RACGAP1: variants seen among roughly 807,000 people sequenced by gnomAD.
RACGAP1 encodes rac GTPase-activating protein 1.
A neutral mutation model predicts 78.1 loss-of-function variants in RACGAP1; 30 were observed. The observed-to-expected ratio is 0.38, with a 90% CI of 0.29 to 0.52. The LOEUF (loss-of-function observed/expected upper bound fraction) is 0.52, where lower values mean the gene tolerates loss of function less well. Among genes scored for constraint, RACGAP1 ranks in the 20% least tolerant of loss-of-function variants. The pLI, the probability that RACGAP1 is intolerant of heterozygous loss-of-function variation, is 0.82. For synonymous variants in RACGAP1, 231 were observed against 264.8 expected, an observed-to-expected ratio of 0.87 and a Z score of 1.24; for missense variants, 587 against 777.1, an observed-to-expected ratio of 0.76 and a Z score of 2.91.
At chr12:50,032,510 G>A (rs1034402803) in intron 1 of RACGAP1, among the ~76,000 whole-genome samples, 1 of 150,376 alleles carries the variant, frequency 6.6e-6, no homozygotes, top group African/African-American at 2.5e-5. Flanking sequence ...ACCCGCCCCA[G>A]CGAGAAGGCA....
In RACGAP1 at chr12:49,994,574, T is replaced by G; in HGVS notation, c.1045-65A>C. ...TGTAGACCAACAGATGAAGACCACA[T>G]GCGAAGAACCACCTCCAATCTTATT... On this transcript the variant is annotated intron_variant, in intron 10 of 16. Transcript: ENST00000312377. 5 of 1,556,844 alleles carry G rather than the reference T, an allele frequency of 3.2e-6. No individual in the cohort carries two copies. The South Asian group carries it at 4.9e-5, about 15-fold the overall frequency.
At chr12:50,030,007 A>T (rs1411386104), upstream of RACGAP1, among the ~76,000 whole-genome samples, 1 of 152,186 alleles carries the variant, frequency 6.6e-6, no homozygotes, top group African/African-American at 2.4e-5. Context: ...GCTGTGGCTC[A>T]TGCCTGTAAT....
intron 1 of RACGAP1, chr12:50,019,730 G>A (rs1010106752): frequency 3.3e-5 from 1 of 30,128 alleles, no homozygotes; most frequent in Non-Finnish European, 1.1e-4. Context: ...AAATAAAAAG[G>A]TCCTGGGACA....
intron 2 of RACGAP1, among the ~76,000 whole-genome samples, chr12:50,012,453 C>CGAGT (rs1949402107): frequency 6.6e-6 from 1 of 151,438 alleles, no homozygotes; most frequent in Non-Finnish European, 1.5e-5. Context: ...CCCAGCTACT[C>CGAGT]GGGAGGCTGA....
At position 49,999,553 on chromosome 12, in the gene RACGAP1, C is replaced by A. The variant is rs955574380; in HGVS notation, c.748+63G>T. 6.4e-5 allele frequency: 92 copies of A among 1,428,242 alleles called. No individual in the cohort carries two copies. In the South Asian group the frequency reaches 9.7e-4, roughly 15 times the overall value. The allele number at this position is 1,428,242 out of a possible 1,614,324, so 88.5% of individuals were successfully genotyped here. A position where few individuals can be genotyped will look rare whatever the true frequency, so the allele number is the denominator to read the frequency against. ...CCCGCCTCCAGAGGGTTCTAAGAAA[C>A]CAACTCTCCAAAATTTTGCTAGTTG... On this transcript the variant is annotated intron_variant, in intron 8 of 16. Transcript: ENST00000312377.
At chr12:50,021,812 T>C (rs1349890594) in intron 1 of RACGAP1, among the ~76,000 whole-genome samples, 1 of 152,172 alleles carries the variant, frequency 6.6e-6, no homozygotes, top group African/African-American at 2.4e-5. Flanking sequence ...GGAAAACCAT[T>C]CTCAAAGATA....
intron 5 of RACGAP1, 75 bp downstream of exon 5, chr12:50,004,160 G>A (rs1948838882): frequency 6.5e-7 from 1 of 1,533,342 alleles, no homozygotes; most frequent in Non-Finnish European, 8.9e-7. Flanking sequence ...GTTCAGAAGA[G>A]AAGACAGGAG....
At chr12:50,007,860 G>A (rs1592180681) in intron 2 of RACGAP1, among the ~76,000 whole-genome samples, 1 of 149,100 alleles carries the variant, frequency 6.7e-6, no homozygotes, top group East Asian at 1.9e-4. Context: ...ATAGTTTTAA[G>A]AAATAATATG....
intron 2 of RACGAP1, among the ~76,000 whole-genome samples, chr12:50,012,533 C>T (rs183338973): frequency 3.3e-5 from 5 of 151,558 alleles, no homozygotes; most frequent in Admixed American, 3.3e-4. Flanking sequence ...TGCACTCCAG[C>T]CTGGGTAAGA....
intron 10 of RACGAP1, among the ~76,000 whole-genome samples, chr12:49,996,218 G>A (rs773387452): frequency 1.3e-5 from 2 of 152,046 alleles, no homozygotes; most frequent in Non-Finnish European, 2.9e-5. Flanking sequence ...GGAGGCTGAG[G>A]CATGAGAATC....
chr12:50,008,328 A>G (rs1949100371), intron 2 of RACGAP1, among the ~76,000 whole-genome samples: 3 of 151,374 alleles, frequency 2.0e-5, no homozygotes, highest in South Asian at 4.2e-4. Context: ...CCTCCTGAGT[A>G]GCTGGGATTA....
chr12:50,024,763 C>T (rs1346340189), intron 1 of RACGAP1, among the ~76,000 whole-genome samples: 2 of 151,712 alleles, frequency 1.3e-5, no homozygotes, highest in Non-Finnish European at 2.9e-5. Flanking sequence ...CTTATTTACC[C>T]GACACATTAG....
At chr12:50,021,898 C>T (rs1950028766) in intron 1 of RACGAP1, among the ~76,000 whole-genome samples, 1 of 152,200 alleles carries the variant, frequency 6.6e-6, no homozygotes, top group Non-Finnish European at 1.5e-5. Context: ...CTGAAATGTC[C>T]AGCTTCTGCT....
intron 6 of RACGAP1, among the ~76,000 whole-genome samples, 194 bp from the exon 7 acceptor site, chr12:50,001,446 T>G (rs1469606560): frequency 6.6e-6 from 1 of 152,176 alleles, no homozygotes; most frequent in African/African-American, 2.4e-5. Context: ...AAGAATATGT[T>G]GTACAAAAAT....
At chr12:50,018,369 C>G (rs955652717) in intron 1 of RACGAP1, 4 of 437,906 alleles carry the variant, frequency 9.1e-6, no homozygotes, top group Non-Finnish European at 4.0e-6. Context: ...CAGCAAGCTG[C>G]TAAGCAACCA....
At chr12:50,000,435 G>A (rs1321726675) in intron 7 of RACGAP1, among the ~76,000 whole-genome samples, 7 of 151,926 alleles carry the variant, frequency 4.6e-5, no homozygotes, top group Admixed American at 1.3e-4. Context: ...GATTACAGGC[G>A]TGAGCCACCA....
intron 3 of RACGAP1, 26 bp downstream of exon 3, chr12:50,006,408 G>C: frequency 1.2e-6 from 2 of 1,613,028 alleles, no homozygotes; most frequent in South Asian, 2.2e-5. Flanking sequence ...CATCATCACT[G>C]TTCTAGCACG....
Position 49,994,455 on chromosome 12 carries a change from C to T in RACGAP1, c.1099G>A (p.Val367Met), listed in dbSNP as rs1337984875. 6.2e-7 allele frequency: 1 copy of T among 1,614,040 alleles called. No homozygotes were observed. Among genetic ancestry groups the T allele is most frequent in the Non-Finnish European group, 8.5e-7 (1 of 1,180,010 alleles). The change falls in exon 11 of 17, where the codon GTG (valine) becomes ATG (methionine). Residue 367 changes from valine to methionine, a missense_variant. Physicochemically the swap from Val to Met is conservative, Grantham distance 21 (BLOSUM62 1). Transcript: ENST00000312377. The part of the protein sequence containing the change: ...QTSPMIPSIV[V>M]HCVNEIEQRG... ...TGCTCAATCTCATTTACACAATGCA[C>T]AACAATGGAGGGGATCATTGGAGAA...
intron 8 of RACGAP1, 171 bp from the exon 9 acceptor site, chr12:49,999,442 G>T: frequency 9.8e-7 from 1 of 1,024,036 alleles, no homozygotes; most frequent in East Asian, 2.6e-5. Flanking sequence ...ATGCCAGTGG[G>T]CTAGCAATTC....
Sources: allele counts gnomAD v4.1 joint callset (sites outside exome capture counted in the v4.1 genomes callset), GRCh38; gene constraint gnomAD v4.1.1; transcripts MANE v1.5; gene names NCBI Gene and HGNC (gene_info 2026-07-23, HGNC 2026-07-21).